Variants in FAM177A1 observed in about 807,000 individuals in gnomAD.
The protein encoded by FAM177A1 is family with sequence similarity 177 member A1, also known as protein FAM177A1.
Under a neutral mutation model 26.1 loss-of-function variants are expected in FAM177A1, and 22 were observed. The ratio of observed to expected loss-of-function variants is 0.84; its 90% CI spans 0.60 to 1.20. The LOEUF is 1.20. Ranked by LOEUF, FAM177A1 falls within the 50% of genes most tolerant of loss-of-function variation. FAM177A1 has a pLI of 0.00. For synonymous variants in FAM177A1, 95 were observed against 99.3 expected, an observed-to-expected ratio of 0.96 and a Z score of 0.26; for missense variants, 296 against 291.1, an observed-to-expected ratio of 1.02 and a Z score of -0.12.
intron 2 of FAM177A1, among the ~76,000 whole-genome samples, chr14:35,056,976 G>A (rs1262357420): frequency 6.6e-6 from 1 of 152,054 alleles, no homozygotes. Context: ...CTAAAGGTTT[G>A]CCAATTTTGT....
intron 4 of FAM177A1, 90 bp from the exon 5 acceptor site, chr14:35,080,932 T>TTTAA: frequency 1.5e-6 from 2 of 1,303,888 alleles, no homozygotes; most frequent in Non-Finnish European, 2.0e-6. Context: ...TTTTTTTTTT[T>TTTAA]AAACATAAGC....
At chr14:35,053,490 T>C in intron 2 of FAM177A1, 39 bp downstream of exon 2, 1 of 1,597,928 alleles carries the variant, frequency 6.3e-7, no homozygotes, top group Non-Finnish European at 8.5e-7. Flanking sequence ...CAGTGGGCTT[T>C]GTTTTGATTT....
chr14:35,061,163 G>T (rs1008174278), intron 2 of FAM177A1, among the ~76,000 whole-genome samples: 41 of 152,246 alleles, frequency 2.7e-4, no homozygotes, highest in Admixed American at 9.8e-4. Context: ...GATAAAGGGG[G>T]ACCACTGTAC....
intron 2 of FAM177A1, among the ~76,000 whole-genome samples, chr14:35,064,279 C>G (rs985992104): frequency 7.3e-5 from 11 of 151,706 alleles, no homozygotes; most frequent in African/African-American, 2.4e-4. Context: ...ACCAGCTACT[C>G]GGGAGGCTGA....
Position 35,070,239 on chromosome 14 carries a change from T to C in FAM177A1, c.340-6911T>C, listed in dbSNP as rs142610927. On this transcript the variant is annotated intron_variant, in intron 2 of 4. Transcript: ENST00000280987. ...ACCTTAAGGTACATGTTGGCCAGGA[T>C]GATCTCGATCTCCTGACCTCGTGAT... 8.5e-3 allele frequency among the ~76,000 whole-genome samples: 1,279 copies of C among 151,248 alleles called. 10 individuals carry two copies. The highest frequency in any genetic ancestry group is 0.026 in the African/African-American group (1,072 of 41,210).
chr14:35,070,014 G>A (rs1181561205), intron 2 of FAM177A1, among the ~76,000 whole-genome samples: 1 of 148,872 alleles, frequency 6.7e-6, no homozygotes. Flanking sequence ...TACTCGGGAG[G>A]CTAAGGCAGA....
chr14:35,046,384 G>T lies in FAM177A1; in HGVS notation c.-80G>T, dbSNP rs1210942820. 23 of 1,318,442 alleles carry T rather than the reference G, an allele frequency of 1.7e-5. No individual in the cohort carries two copies. Among genetic ancestry groups the T allele is most frequent in the Non-Finnish European group, 2.2e-5 (22 of 1,022,226 alleles). The allele number at this position is 1,318,442 out of a possible 1,614,324, so 81.7% of individuals were successfully genotyped here. On this transcript the variant is annotated 5_prime_UTR_variant, in exon 1 of 5. Coordinates refer to ENST00000280987, the MANE Select transcript of FAM177A1 (RefSeq NM_173607.5). ...CCTTCTCAGAGACTTGGCTAGGCGC[G>T]GCGCGAGGCGGGCGCTGGGCGGGTG...
chr14:35,047,585 C>T (rs2044889067), intron 1 of FAM177A1, among the ~76,000 whole-genome samples: 1 of 152,172 alleles, frequency 6.6e-6, no homozygotes, highest in African/African-American at 2.4e-5. Flanking sequence ...CCCTTCTCTA[C>T]TAAAAATACA....
chr14:35,080,629 T>A (rs1044508161), intron 4 of FAM177A1, among the ~76,000 whole-genome samples: 1 of 152,030 alleles, frequency 6.6e-6, no homozygotes, highest in African/African-American at 2.4e-5. Context: ...GGTGAAACCC[T>A]GTCTTTACTA....
chr14:35,063,593 A>C (rs190384966), intron 2 of FAM177A1, among the ~76,000 whole-genome samples: 163 of 152,024 alleles, frequency 1.1e-3, no homozygotes, highest in Non-Finnish European at 1.9e-3. Context: ...TAAATAAATA[A>C]ATTTTCTCCA....
chr14:35,053,226 A>G, intron 1 of FAM177A1, 52 bp from the exon 2 acceptor site: 1 of 1,528,290 alleles, frequency 6.5e-7, no homozygotes. Context: ...CGTGTAATGA[A>G]AGAAAATTAA....
chr14:35,054,195 A>T (rs189056499), intron 2 of FAM177A1, among the ~76,000 whole-genome samples: 217 of 152,286 alleles, frequency 1.4e-3, no homozygotes, highest in African/African-American at 5.0e-3. Context: ...AGCCTGGGCA[A>T]CAGAGTGAGA....
At chr14:35,078,883 A>T (rs781638103) in intron 3 of FAM177A1, 44 bp from the exon 4 acceptor site, 1 of 1,383,198 alleles carries the variant, frequency 7.2e-7, no homozygotes, top group African/African-American at 1.5e-5. Flanking sequence ...TGCTCAAGAA[A>T]TGTTTATAGA....
rs1200585862 is a variant in FAM177A1 at position 35,046,579 on chromosome 14, C to T, written c.116C>T (p.Ala39Val). ...VGGVERGEAV[A>V]ASGAAAAAAF... ...GGTGTGGAACGAGGAGAAGCCGTCGCAGCCTCGGGAGCTGCGGCCGCCGCG... is the reference window on the plus strand; with the variant it reads ...GGTGTGGAACGAGGAGAAGCCGTCGTAGCCTCGGGAGCTGCGGCCGCCGCG... The change falls in exon 1 of 5, where the codon GCA becomes GTA. Residue 39 changes from alanine to valine, a missense_variant. Coordinates refer to ENST00000280987, the MANE Select transcript of FAM177A1 (RefSeq NM_173607.5). 6.4e-7 allele frequency: 1 copy of T among 1,567,452 alleles called. No homozygotes were observed. The highest frequency in any genetic ancestry group is 1.2e-5 in the South Asian group (1 of 84,988).
At chr14:35,049,609 C>T (rs2044931157) in intron 1 of FAM177A1, among the ~76,000 whole-genome samples, 1 of 152,078 alleles carries the variant, frequency 6.6e-6, no homozygotes, top group Non-Finnish European at 1.5e-5. Flanking sequence ...CGTGATGAAA[C>T]CCTCATCTCT....
Position 35,082,714 on chromosome 14 carries a change from A to C in FAM177A1, c.*1486A>C, listed in dbSNP as rs1422856749. 2 of 152,208 alleles carry C rather than the reference A, an allele frequency of 1.3e-5. No individual in the cohort carries two copies. Among genetic ancestry groups the C allele is most frequent in the Non-Finnish European group, 2.9e-5 (2 of 68,026 alleles). 9.4% of individuals were successfully genotyped at this position (152,208 alleles called of 1,614,324 possible). Reference sequence around the variant, plus strand: ...TCAAAGCTTTCAGAAATTAATAGTTATATTAATAGCCTTCTAAACAGCATT... The same window carrying C: ...TCAAAGCTTTCAGAAATTAATAGTTCTATTAATAGCCTTCTAAACAGCATT... On this transcript the variant is annotated 3_prime_UTR_variant, in exon 5 of 5. Transcript: ENST00000280987.
chr14:35,067,509 T>C (rs2045257117), intron 2 of FAM177A1, among the ~76,000 whole-genome samples: 1 of 152,206 alleles, frequency 6.6e-6, no homozygotes, highest in Admixed American at 6.5e-5. Flanking sequence ...GATATCTCTT[T>C]GATATACTGA....
At position 35,082,821 on chromosome 14, in the gene FAM177A1, T is replaced by C. The variant is rs535637268; in HGVS notation, c.*1593T>C. On this transcript the variant is annotated 3_prime_UTR_variant, in exon 5 of 5. Coordinates refer to ENST00000280987, the MANE Select transcript of FAM177A1 (RefSeq NM_173607.5). ...ATATAGTGGGTCTGTAATGGAAATC[T>C]GTCAATGAACATGAACTGAGTTCTT... The C allele has an allele frequency of 1.3e-5, 2 of 152,332 alleles. No homozygotes were observed. Among genetic ancestry groups the C allele is most frequent in the South Asian group, 2.1e-4 (1 of 4,824 alleles). The allele number at this position is 152,332 out of a possible 1,614,324, so 9.4% of individuals were successfully genotyped here.
chr14:35,060,082 TC>T, intron 2 of FAM177A1, among the ~76,000 whole-genome samples: 1 of 152,302 alleles, frequency 6.6e-6, no homozygotes, highest in African/African-American at 2.4e-5. Context: ...CAGGTGATTC[TC>T]CTGCCTCAGC....
Sources: gnomAD v4.1 joint callset for allele counts (sites outside exome capture counted in the v4.1 genomes callset) on GRCh38, gnomAD v4.1.1 for gene constraint, MANE v1.5 for transcripts, NCBI Gene and HGNC (gene_info 2026-07-23, HGNC 2026-07-21) for gene names.